The following CTCFL variants were observed in gnomAD, a reference collection of about 807,000 sequenced individuals.
The protein encoded by CTCFL is transcriptional repressor CTCFL.
A neutral mutation model predicts 67.4 loss-of-function variants in CTCFL; 36 were observed. The observed-to-expected ratio is 0.53, with a 90% CI of 0.41 to 0.71. CTCFL has a LOEUF of 0.71. Ranked by LOEUF, CTCFL falls within the 30% of genes least tolerant of loss-of-function variation. CTCFL has a pLI of 0.00. For synonymous variants in CTCFL, 324 were observed against 302.3 expected (o/e 1.07, Z -0.75); for missense variants, 786 against 835.2 (o/e 0.94, Z 0.73).
At chr20:57,512,939 A>G (rs1600661731) in intron 7 of CTCFL, among the ~76,000 whole-genome samples, 187 bp from the exon 8 acceptor site, 2 of 152,304 alleles carry the variant, frequency 1.3e-5, no homozygotes, top group South Asian at 4.1e-4. Flanking sequence ...TCTGTCTACC[A>G]GATGCCAGCA....
At chr20:57,510,699 T>C (rs1188050220) in intron 8 of CTCFL, among the ~76,000 whole-genome samples, 3 of 151,968 alleles carry the variant, frequency 2.0e-5, no homozygotes, top group Non-Finnish European at 4.4e-5. Flanking sequence ...CCATCTCTAC[T>C]AAAAATACAA....
rs559079933 is a variant in CTCFL at position 57,504,166 on chromosome 20, C to T, written c.1675-565G>A. Among the ~76,000 whole-genome samples, 77 of 151,812 alleles carry T rather than the reference C, an allele frequency of 5.1e-4. 1 individual carries two copies. The East Asian group carries it at 0.012, about 24-fold the overall frequency. The stretch of plus-strand genomic sequence containing the variant: ...TGATTTTTTATATTTTTAGTAGAGA[C>T]GGGGTTTCACCGTGTTAGCCAGGAT... On this transcript the variant is annotated intron_variant, in intron 9 of 10. Coordinates refer to ENST00000243914, the MANE Select transcript of CTCFL (RefSeq NM_001386993.1).
At chr20:57,498,722 G>T in intron 10 of CTCFL, 21 bp from the exon 11 acceptor site, 1 of 1,591,344 alleles carries the variant, frequency 6.3e-7, no homozygotes. Flanking sequence ...AGTCCAGGAT[G>T]AGCAAATTTA....
rs751891114 is a variant in CTCFL at position 57,514,677 on chromosome 20, T to C, written c.1245A>G (p.Ile415Met). Residue 415 changes from isoleucine (I) to methionine (M), a missense_variant, in exon 7 of 11, where the codon ATA becomes ATG. Around this residue, in one of 3 missense-constraint regions of CTCFL, gnomAD observed 254 missense variants for 333.9 expected, o/e 0.76. Coordinates refer to ENST00000243914, the MANE Select transcript of CTCFL (RefSeq NM_001386993.1). ...TRFTQSGTMK[I>M]HILQKHGENV... ...TTTCGCCGTGTTTCTGCAGAATATG[T>C]ATTTTCATGGTCCCGCTCTGGGTGA... The C allele has an allele frequency of 7.4e-6, 12 of 1,614,108 alleles. No individual in the cohort carries two copies. Among genetic ancestry groups the C allele is most frequent in the Non-Finnish European group, 1.0e-5 (12 of 1,180,040 alleles).
intron 10 of CTCFL, among the ~76,000 whole-genome samples, chr20:57,499,093 G>GGGGGGC (rs2067794902): frequency 3.9e-5 from 5 of 128,674 alleles, no homozygotes; most frequent in Non-Finnish European, 8.5e-5. Flanking sequence ...GTGGGGGGGG[G>GGGGGGC]ACACAGTCAT....
In CTCFL at chr20:57,512,697, G is replaced by A. The variant is rs756720640; in HGVS notation, c.1386C>T (p.Tyr462=). The stretch of plus-strand genomic sequence containing the variant: ...AGCGTTCATGGAAGACAGCAGAACA[G>A]TAGCGGCATTTCAGCTCTGCAGCGC... ...AYSAAELKCR[Y]CSAVFHERYA... is the part of the protein sequence containing the mutation. Residue 462 remains tyrosine (Y), a synonymous_variant, in exon 8 of 11, where the codon TAC becomes TAT. Transcript: ENST00000243914. 6.2e-7 allele frequency: 1 copy of A among 1,614,246 alleles called. No homozygotes were observed. Among genetic ancestry groups the A allele is most frequent in the South Asian group, 1.1e-5 (1 of 91,090 alleles).
downstream of CTCFL, chr20:57,496,041 T>G: frequency 2.5e-6 from 1 of 395,786 alleles, no homozygotes; most frequent in East Asian, 3.6e-5. Context: ...TGATATAGTT[T>G]GGATATTTGT....
chr20:57,523,993 G>A lies in CTCFL; in HGVS notation c.213C>T (p.Pro71=), dbSNP rs201646797. The A allele has an allele frequency of 3.1e-6, 5 of 1,613,264 alleles. No homozygotes were observed. The highest frequency in any genetic ancestry group is 1.1e-5 in the South Asian group (1 of 91,080). ...LEEEVELVLA[P]SEESEKYILT... is the part of the protein sequence containing the mutation. ...GGATGTACTTCTCGCTCTCCTCCGA[G>A]GGGGCCAGCACCAGCTCCACTTCTT... Residue 71 remains proline (P), a synonymous_variant, in exon 2 of 11, where the codon CCC becomes CCT. Coordinates refer to ENST00000243914, the MANE Select transcript of CTCFL (RefSeq NM_001386993.1).
intron 9 of CTCFL, chr20:57,507,647 C>T (rs755876635): frequency 3.8e-5 from 27 of 702,880 alleles, no homozygotes; most frequent in Middle Eastern, 2.3e-4. Context: ...AGTTGTGTGG[C>T]GGAGCTGTCC....
At chr20:57,501,304 G>A (rs1447402432) in intron 10 of CTCFL, among the ~76,000 whole-genome samples, 2 of 151,918 alleles carry the variant, frequency 1.3e-5, no homozygotes, top group Non-Finnish European at 2.9e-5. Context: ...GGGTGGTCGC[G>A]CGAAGTGCTT....
At chr20:57,501,657 G>A (rs1031899309) in intron 10 of CTCFL, among the ~76,000 whole-genome samples, 9 of 152,180 alleles carry the variant, frequency 5.9e-5, no homozygotes, top group African/African-American at 4.8e-5. Context: ...CTGCGGGGCC[G>A]GATGGAGAAG....
intron 9 of CTCFL, among the ~76,000 whole-genome samples, chr20:57,505,246 A>AATTT (rs776660553): frequency 1.9e-4 from 29 of 151,488 alleles, no homozygotes; most frequent in Admixed American, 7.9e-4. Context: ...GAGAAGACAA[A>AATTT]ATTTATTTAT....
intron 4 of CTCFL, 88 bp downstream of exon 4, chr20:57,519,119 T>G (rs1319380333): frequency 8.7e-6 from 12 of 1,378,820 alleles, no homozygotes; most frequent in Non-Finnish European, 1.2e-5. Flanking sequence ...TGTTACACGA[T>G]TCTACTGTAG....
At position 57,518,883 on chromosome 20, in the gene CTCFL, G is replaced by C. The variant is rs768537858; in HGVS notation, c.934C>G (p.Pro312Ala). Residue 312 changes from proline (P) to alanine (A), a missense_variant, in exon 5 of 11, where the codon CCC becomes GCC. Transcript: ENST00000243914. ...ATGTTGCAGTCGTTACACTTGTAGG[G>C]CCTGGTTCCTGTAAAATCACATAGT... is the stretch of plus-strand genomic sequence containing the variant. The part of the protein sequence containing the change: ...NHVNTHTGTR[P>A]YKCNDCNMAF... The C allele has an allele frequency of 3.7e-6, 6 of 1,611,092 alleles. No homozygotes were observed. Among genetic ancestry groups the C allele is most frequent in the Non-Finnish European group, 5.1e-6 (6 of 1,177,916 alleles).
intron 10 of CTCFL, among the ~76,000 whole-genome samples, chr20:57,501,964 G>C (rs1292727264): frequency 6.6e-6 from 1 of 152,262 alleles, no homozygotes; most frequent in Non-Finnish European, 1.5e-5. Context: ...GCAGAGGCCT[G>C]TGGTCATGAT....
intron 9 of CTCFL, chr20:57,507,784 C>G: frequency 2.8e-6 from 2 of 702,948 alleles, no homozygotes; most frequent in Non-Finnish European, 5.2e-6. Flanking sequence ...AGTTCCCAAC[C>G]CAGAGAATCT....
intron 8 of CTCFL, among the ~76,000 whole-genome samples, chr20:57,510,547 T>C (rs1194923884): frequency 2.0e-5 from 3 of 152,230 alleles, no homozygotes; most frequent in African/African-American, 7.2e-5. Context: ...GTATTTTTAT[T>C]TGCTAAGTCT....
At chr20:57,522,195 T>A (rs780129004) in intron 3 of CTCFL, among the ~76,000 whole-genome samples, 2 of 151,784 alleles carry the variant, frequency 1.3e-5, no homozygotes, top group Non-Finnish European at 2.9e-5. Context: ...AAGAATGGGG[T>A]GGTGGTGGCA....
intron 10 of CTCFL, chr20:57,500,204 C>T: frequency 9.8e-7 from 1 of 1,023,854 alleles, no homozygotes; most frequent in Non-Finnish European, 1.2e-6. Context: ...GGGGCTCATG[C>T]CTGTAATCCC....
Sources: allele counts gnomAD v4.1 joint callset (sites outside exome capture counted in the v4.1 genomes callset), GRCh38; gene constraint gnomAD v4.1.1; regional missense constraint gnomAD v4.1.1; transcripts MANE v1.5; gene names NCBI Gene and HGNC (gene_info 2026-07-23, HGNC 2026-07-21).